Variants in CUL7 observed in about 807,000 individuals in gnomAD.
CUL7 encodes cullin-7.
In CUL7, 96 loss-of-function variants were observed where a neutral mutation model predicts 177.7. The ratio of observed to expected loss-of-function variants is 0.54; its 90% CI spans 0.46 to 0.64. The LOEUF (loss-of-function observed/expected upper bound fraction) is 0.64, where lower values mean the gene tolerates loss of function less well. Among genes scored for constraint, CUL7 ranks in the 30% least tolerant of loss-of-function variants. The probability of loss-of-function intolerance (pLI) is 0.00; values close to 1 mark genes in which losing one functional copy is unlikely to be tolerated. For synonymous variants in CUL7, 824 were observed against 890.2 expected, an observed-to-expected ratio of 0.93 and a Z score of 1.32; for missense variants, 1,893 against 2,187.9, an observed-to-expected ratio of 0.87 and a Z score of 2.69.
Position 43,044,888 on chromosome 6 carries a change from G to T in CUL7, c.3039-3C>A. 1 of 1,612,756 alleles carries T rather than the reference G, an allele frequency of 6.2e-7. No individual in the cohort carries two copies. Among genetic ancestry groups the T allele is most frequent in the Non-Finnish European group, 8.5e-7 (1 of 1,178,934 alleles). On this transcript the variant is annotated splice_polypyrimidine_tract_variant and splice_region_variant and intron_variant, in intron 15 of 25. Coordinates refer to ENST00000265348, the MANE Select transcript of CUL7 (RefSeq NM_014780.5). ...CCTGGCGCAGAGCACCGTTGAGTCT[G>T]GGGGTGAGAATGGAGGAGGAAGGTG...
chr6:43,044,016 A>G (rs1403051285), intron 16 of CUL7, among the ~76,000 whole-genome samples: 1 of 150,536 alleles, frequency 6.6e-6, no homozygotes, highest in African/African-American at 2.5e-5. Context: ...CACCTCTACT[A>G]AAAATATAAA....
chr6:43,051,010 C>T lies in CUL7; in HGVS notation c.1191G>A (p.Glu397=). The change falls in exon 4 of 26, where the codon GAG becomes GAA. Residue 397 remains glutamate, a synonymous_variant. Coordinates refer to ENST00000265348, the MANE Select transcript of CUL7 (RefSeq NM_014780.5). The surrounding 1 kb of genome is among the most constrained non-coding windows in gnomAD (Gnocchi z 5.0). ...CGTTGTTGCTCTGCCGAAACTCGCC[C>T]TCATCCCCGGCACTGATCTCCTCAT... is the stretch of plus-strand genomic sequence containing the variant. The part of the protein sequence containing the change: ...DDYEEISAGD[E]GEFRQSNNGV... 2 of 1,614,190 alleles carry T rather than the reference C, an allele frequency of 1.2e-6. No homozygotes were observed. Among genetic ancestry groups the T allele is most frequent in the Non-Finnish European group, 1.7e-6 (2 of 1,180,042 alleles).
At chr6:43,048,116 C>T (rs1764068463) in intron 9 of CUL7, 32 bp downstream of exon 9, 1 of 1,467,006 alleles carries the variant, frequency 6.8e-7, no homozygotes, top group African/African-American at 1.4e-5. Context: ...TATCCTCTCC[C>T]CCAGCCTCTC....
In CUL7 at chr6:43,051,423, C is replaced by T. The variant is rs1764400526; in HGVS notation, c.778G>A (p.Val260Ile). ...LFSLVKRYLH[V>I]TSLLDQLNDS... is the part of the protein sequence containing the mutation. ...TTCAGCTGATCCAGGAGCGAGGTGACATGCAAATACCGCTTCACCAGGGAG... is the reference window on the plus strand; with the variant it reads ...TTCAGCTGATCCAGGAGCGAGGTGATATGCAAATACCGCTTCACCAGGGAG... The change falls in exon 4 of 26, where the codon GTC (valine) becomes ATC (isoleucine). Residue 260 changes from valine (V) to isoleucine (I), a missense_variant. Around this residue, in one of 5 missense-constraint regions of CUL7, gnomAD observed 653 missense variants for 725.2 expected, o/e 0.90. Coordinates refer to ENST00000265348, the MANE Select transcript of CUL7 (RefSeq NM_014780.5). This position sits in a 1 kb window ranked among gnomAD's most constrained non-coding sequence, Gnocchi z 5.0. 6.2e-7 allele frequency: 1 copy of T among 1,613,928 alleles called. No homozygotes were observed. Among genetic ancestry groups the T allele is most frequent in the Admixed American group, 1.7e-5 (1 of 59,992 alleles).
rs771044527 is a variant in CUL7, at chr6:43,042,777, G to A, written c.3645+25C>T. ...GGAGAGTTTGTCGGAAGAGACCCAAGGATGAGGCAAGGGTAGAGGCTTACG... is the reference window on the plus strand; with the variant it reads ...GGAGAGTTTGTCGGAAGAGACCCAAAGATGAGGCAAGGGTAGAGGCTTACG... On this transcript the variant is annotated intron_variant, in intron 19 of 25. Coordinates refer to ENST00000265348, the MANE Select transcript of CUL7 (RefSeq NM_014780.5). The A allele has an allele frequency of 3.9e-6, 6 of 1,556,230 alleles. No individual in the cohort carries two copies. In the African/African-American group the frequency reaches 8.1e-5, roughly 21 times the overall value.
chr6:43,052,408 C>G lies in CUL7; in HGVS notation c.381G>C (p.Glu127Asp), dbSNP rs1430087135. ...GAGCAGGAGGGATAGTGCCCACACA[C>G]TCCTCCAGCTGCCGAAGGGCTCTCT... ...LIQRALRQLE[E>D]CVGTIPPAPL... The change falls in exon 2 of 26, where the codon GAG becomes GAC. Residue 127 changes from glutamate to aspartate, a missense_variant. Physicochemically the swap from Glu to Asp is conservative, Grantham distance 45. This residue lies in a region of CUL7 where 653 missense variants were observed against 725.2 expected (regional missense o/e 0.90). Transcript: ENST00000265348. The surrounding 1 kb of genome is among the most constrained non-coding windows in gnomAD (Gnocchi z 4.5). The G allele has an allele frequency of 5.0e-6, 8 of 1,614,008 alleles. No individual in the cohort carries two copies. Among genetic ancestry groups the G allele is most frequent in the Non-Finnish European group, 6.8e-6 (8 of 1,179,946 alleles).
rs1763587704 is a variant in CUL7, at chr6:43,043,069, C to T, written c.3462+5G>A. The T allele has an allele frequency of 1.2e-6, 2 of 1,613,910 alleles. No individual in the cohort carries two copies. Among genetic ancestry groups the T allele is most frequent in the Non-Finnish European group, 1.7e-6 (2 of 1,179,842 alleles). Reference sequence around the variant, plus strand: ...CCTCTCTCCCGCAGGCCTGCTCCTGCCCACCTGCTTCTCCACCACGGCCCG... The same window carrying T: ...CCTCTCTCCCGCAGGCCTGCTCCTGTCCACCTGCTTCTCCACCACGGCCCG... On this transcript the variant is annotated splice_donor_5th_base_variant and intron_variant, in intron 18 of 25. Transcript: ENST00000265348. This position sits in a 1 kb window ranked among gnomAD's most constrained non-coding sequence, Gnocchi z 4.2.
In CUL7 at chr6:43,048,279, G is replaced by A. The variant is rs114371444; in HGVS notation, c.2064-26C>T. The A allele has an allele frequency of 1.6e-3, 2,575 of 1,597,118 alleles. 38 individuals carry two copies. The South Asian group carries it at 0.021, about 13-fold the overall frequency. On this transcript the variant is annotated intron_variant, in intron 8 of 25. Coordinates refer to ENST00000265348, the MANE Select transcript of CUL7 (RefSeq NM_014780.5). Reference sequence around the variant, plus strand: ...CTGGGGGCAGAGAAATGTGTAGCCAGCCTCATGGACCCCCTTTGCCCTCAG... The same window carrying A: ...CTGGGGGCAGAGAAATGTGTAGCCAACCTCATGGACCCCCTTTGCCCTCAG...
At chr6:43,044,667 G>A in intron 16 of CUL7, 85 bp downstream of exon 16, 2 of 1,535,008 alleles carry the variant, frequency 1.3e-6, no homozygotes, top group South Asian at 2.5e-5. Flanking sequence ...ACATAATCCA[G>A]GTGGTTCTAG....
At chr6:43,042,061 G>GGAAAGAAAGAGAA (rs1763476814) in intron 19 of CUL7, among the ~76,000 whole-genome samples, 2 of 135,924 alleles carry the variant, frequency 1.5e-5, no homozygotes, top group Non-Finnish European at 3.3e-5. Context: ...GAAAGAGAAA[G>GGAAAGAAAGAGAA]AGAGAAAGAG....
In CUL7 at chr6:43,052,769, T is replaced by C; in HGVS notation, c.20A>G (p.Tyr7Cys). The C allele has an allele frequency of 6.2e-7, 1 of 1,606,428 alleles. No homozygotes were observed. Among genetic ancestry groups the C allele is most frequent in the South Asian group, 1.1e-5 (1 of 91,070 alleles). MVGELR[Y>C]REFRVPLGPG... The stretch of plus-strand genomic sequence containing the variant: ...CCCCAGGGGCACCCTGAATTCCCTG[T>C]AGCGGAGTTCTCCCACCATCCTGGC... Residue 7 changes from tyrosine to cysteine, a missense_variant, in exon 2 of 26, where the codon TAC becomes TGC. Tyr to Cys is a radical substitution (Grantham distance 194, BLOSUM62 -2). Around this residue, in one of 5 missense-constraint regions of CUL7, gnomAD observed 653 missense variants for 725.2 expected, o/e 0.90. Coordinates refer to ENST00000265348, the MANE Select transcript of CUL7 (RefSeq NM_014780.5). The surrounding 1 kb of genome is among the most constrained non-coding windows in gnomAD (Gnocchi z 4.5).
At position 43,051,345 on chromosome 6, in the gene CUL7, T is replaced by C. The variant is rs750945982; in HGVS notation, c.856A>G (p.Ser286Gly). 2.5e-6 allele frequency: 4 copies of C among 1,612,352 alleles called. No homozygotes were observed. In the South Asian group the frequency reaches 4.4e-5, roughly 18 times the overall value. ...AQNTSAPEEL[S>G]GERGQLELEF... ...AGCTCCAGTTGACCCCTCTCCCCAC[T>C]CAACTCCTCAGGAGCAGAGGTGTTC... Residue 286 changes from serine to glycine, a missense_variant, in exon 4 of 26, where the codon AGT becomes GGT. By Grantham distance (56) the Ser-to-Gly change is moderately conservative (BLOSUM62 0). Around this residue, in one of 5 missense-constraint regions of CUL7, gnomAD observed 653 missense variants for 725.2 expected, o/e 0.90. Coordinates refer to ENST00000265348, the MANE Select transcript of CUL7 (RefSeq NM_014780.5). This position sits in a 1 kb window ranked among gnomAD's most constrained non-coding sequence, Gnocchi z 5.0.
chr6:43,046,593 C>T lies in CUL7; in HGVS notation c.2406G>A (p.Leu802=), dbSNP rs1334803107. 3 of 1,614,150 alleles carry T rather than the reference C, an allele frequency of 1.9e-6. No homozygotes were observed. Among genetic ancestry groups the T allele is most frequent in the Admixed American group, 3.3e-5 (2 of 60,008 alleles). The change falls in exon 11 of 26, where the codon CTG becomes CTA. Residue 802 remains leucine (L), a synonymous_variant. Transcript: ENST00000265348. ...NILGGCIQMV[L]GQIEDHRRTH... is the part of the protein sequence containing the mutation. ...TTCGTCTGTGGTCTTCGATCTGGCC[C>T]AGCACCATCTGCAGCCAGAACATCA...
At position 43,048,212 on chromosome 6, in the gene CUL7, A is replaced by C; in HGVS notation, c.2105T>G (p.Leu702Arg). Residue 702 changes from leucine to arginine, a missense_variant, in exon 9 of 26, where the codon CTC (leucine) becomes CGC (arginine). Physicochemically the swap from Leu to Arg is moderately radical, Grantham distance 102. Coordinates refer to ENST00000265348, the MANE Select transcript of CUL7 (RefSeq NM_014780.5). ...QLVDFPEALL[L>R]PWHEAVDACM... ...GGCATCCACGGCCTCGTGCCAGGGGAGCAGCAGTGCCTCGGGGAAGTCCAC... is the reference window on the plus strand; with the variant it reads ...GGCATCCACGGCCTCGTGCCAGGGGCGCAGCAGTGCCTCGGGGAAGTCCAC... 1 of 1,614,012 alleles carries C rather than the reference A, an allele frequency of 6.2e-7. No individual in the cohort carries two copies. Among genetic ancestry groups the C allele is most frequent in the Non-Finnish European group, 8.5e-7 (1 of 1,179,958 alleles).
Position 43,053,524 on chromosome 6 carries a change from G to T in CUL7, c.-9+98C>A. ...AGGCCCCATAAGCTAGAACCCCGAGGCACGGTAGGATGGGGACCGAGGTTG... is the reference window on the plus strand; with the variant it reads ...AGGCCCCATAAGCTAGAACCCCGAGTCACGGTAGGATGGGGACCGAGGTTG... On this transcript the variant is annotated intron_variant, in intron 1 of 25. Transcript: ENST00000265348. This position sits in a 1 kb window ranked among gnomAD's most constrained non-coding sequence, Gnocchi z 4.1. 1 of 819,524 alleles carries T rather than the reference G, an allele frequency of 1.2e-6. No individual in the cohort carries two copies. Among genetic ancestry groups the T allele is most frequent in the Non-Finnish European group, 1.7e-6 (1 of 592,706 alleles). The allele number at this position is 819,524 out of a possible 1,614,324, so 50.8% of individuals were successfully genotyped here.
chr6:43,052,683 G>C lies in CUL7; in HGVS notation c.106C>G (p.Pro36Ala). ...ATGAGCCAACGGATCTGGTACTCAG[G>C]ATGCCCATCATGGCCCACGCGCTGG... ...IRQRVGHDGH[P>A]EYQIRWLILR... The change falls in exon 2 of 26, where the codon CCT (proline) becomes GCT (alanine). Residue 36 changes from proline to alanine, a missense_variant. Physicochemically the swap from Pro to Ala is conservative, Grantham distance 27. Transcript: ENST00000265348. The surrounding 1 kb of genome is among the most constrained non-coding windows in gnomAD (Gnocchi z 4.5). 1 of 1,614,116 alleles carries C rather than the reference G, an allele frequency of 6.2e-7. No homozygotes were observed. Among genetic ancestry groups the C allele is most frequent in the Non-Finnish European group, 8.5e-7 (1 of 1,180,046 alleles).
In CUL7 at chr6:43,050,894, C is replaced by G; in HGVS notation, c.1233+74G>C. On this transcript the variant is annotated intron_variant, in intron 4 of 25. Coordinates refer to ENST00000265348, the MANE Select transcript of CUL7 (RefSeq NM_014780.5). This position sits in a 1 kb window ranked among gnomAD's most constrained non-coding sequence, Gnocchi z 4.1. ...TCTTTGGGTGGCCTGCTGGAGCCCCCCCATATAGAAGTCCCAGCTCTGCCC... is the reference window on the plus strand; with the variant it reads ...TCTTTGGGTGGCCTGCTGGAGCCCCGCCATATAGAAGTCCCAGCTCTGCCC... 1.3e-6 allele frequency: 2 copies of G among 1,572,512 alleles called. No individual in the cohort carries two copies. The highest frequency in any genetic ancestry group is 1.7e-6 in the Non-Finnish European group (2 of 1,150,608).
chr6:43,051,014 T>A lies in CUL7; in HGVS notation c.1187A>T (p.Asp396Val). 1 of 1,614,026 alleles carries A rather than the reference T, an allele frequency of 6.2e-7. No homozygotes were observed. The highest frequency in any genetic ancestry group is 1.7e-5 in the Admixed American group (1 of 60,000). The change falls in exon 4 of 26, where the codon GAT becomes GTT. Residue 396 changes from aspartate (D) to valine (V), a missense_variant. Transcript: ENST00000265348. The surrounding 1 kb of genome is among the most constrained non-coding windows in gnomAD (Gnocchi z 5.0). ...LDDYEEISAG[D>V]EGEFRQSNNG... ...GTTGCTCTGCCGAAACTCGCCCTCA[T>A]CCCCGGCACTGATCTCCTCATAATC...
intron 19 of CUL7, among the ~76,000 whole-genome samples, chr6:43,042,273 C>T (rs955780289): frequency 1.3e-5 from 2 of 152,156 alleles, no homozygotes; most frequent in African/African-American, 4.8e-5. Flanking sequence ...GTTCCTGCTG[C>T]TCTGTACCCT....
Sources: allele counts gnomAD v4.1 joint callset (sites outside exome capture counted in the v4.1 genomes callset), GRCh38; gene constraint gnomAD v4.1.1; regional missense constraint gnomAD v4.1.1; non-coding constraint Gnocchi (gnomAD v3.1); transcripts MANE v1.5; gene names NCBI Gene and HGNC (gene_info 2026-07-23, HGNC 2026-07-21).